Variants in TYW1B observed in about 807,000 individuals in gnomAD.
The protein encoded by TYW1B is tRNA-yW synthesizing protein 1 homolog B, also known as S-adenosyl-L-methionine-dependent tRNA 4-demethylwyosine synthase TYW1B.
A neutral mutation model predicts 86.9 loss-of-function variants in TYW1B; 73 were observed. The ratio of observed to expected loss-of-function variants is 0.84; its 90% CI spans 0.70 to 1.02. TYW1B has a LOEUF of 1.02. Ranked by LOEUF, TYW1B falls within the 50% of genes least tolerant of loss-of-function variation. TYW1B has a pLI of 0.00. For missense variants in TYW1B, 637 were observed against 827.4 expected, an observed-to-expected ratio of 0.77 and a Z score of 2.82; for synonymous variants, 248 against 292.8, an observed-to-expected ratio of 0.85 and a Z score of 1.56.
intron 9 of TYW1B, among the ~76,000 whole-genome samples, chr7:72,727,607 A>C (rs1361730084): frequency 1.3e-5 from 2 of 152,094 alleles, no homozygotes; most frequent in Admixed American, 1.3e-4. Flanking sequence ...GCTTGAGTCT[A>C]AGAGTTTGAG....
intron 12 of TYW1B, among the ~76,000 whole-genome samples, chr7:72,623,539 A>G (rs1311544054): frequency 1.3e-5 from 2 of 152,128 alleles, no homozygotes; most frequent in Non-Finnish European, 2.9e-5. Flanking sequence ...TTGAAGGTGA[A>G]AGGGCCTAGT....
chr7:72,819,112 A>G (rs551006918), intron 2 of TYW1B, among the ~76,000 whole-genome samples: 76 of 152,246 alleles, frequency 5.0e-4, no homozygotes, highest in Non-Finnish European at 9.6e-4. Context: ...AGGCGGCAGG[A>G]ACAGTGAACT....
At chr7:72,669,931 CAAAATAAA>C (rs1813554799) in intron 11 of TYW1B, among the ~76,000 whole-genome samples, 1 of 136,294 alleles carries the variant, frequency 7.3e-6, no homozygotes, top group Non-Finnish European at 1.6e-5. Flanking sequence ...CCCATTTCTA[CAAAATAAA>C]TAAATAAATA....
intron 9 of TYW1B, among the ~76,000 whole-genome samples, chr7:72,725,061 C>A (rs1388443881): frequency 6.6e-6 from 1 of 152,176 alleles, no homozygotes; most frequent in Non-Finnish European, 1.5e-5. Context: ...CTACTGGACA[C>A]CCCTTTCTGC....
chr7:72,753,502 A>G (rs1339574655), intron 7 of TYW1B, among the ~76,000 whole-genome samples: 2 of 124,302 alleles, frequency 1.6e-5, no homozygotes, highest in East Asian at 2.0e-4. Context: ...TTTTTTTGAG[A>G]CAGAATCTTG....
chr7:72,707,161 C>T (rs1237708416), intron 10 of TYW1B, among the ~76,000 whole-genome samples: 4 of 152,230 alleles, frequency 2.6e-5, no homozygotes, highest in Admixed American at 2.0e-4. Context: ...CTTGAAGCTC[C>T]GCTGTGTGAC....
At chr7:72,802,869 C>T (rs1788427669) in intron 5 of TYW1B, among the ~76,000 whole-genome samples, 2 of 152,246 alleles carry the variant, frequency 1.3e-5, no homozygotes, top group East Asian at 1.9e-4. Context: ...AATCCACCCA[C>T]CTCAGCCTCC....
At chr7:72,675,492 A>G (rs1345215865) in intron 11 of TYW1B, among the ~76,000 whole-genome samples, 1 of 151,430 alleles carries the variant, frequency 6.6e-6, no homozygotes, top group Non-Finnish European at 1.5e-5. Flanking sequence ...TAGTTTTGAC[A>G]GTCAATAGTT....
At position 72,721,637 on chromosome 7, in the gene TYW1B, C is replaced by G. The variant is rs531145920; in HGVS notation, c.1192+7185G>C. Among the ~76,000 whole-genome samples, 8 of 152,094 alleles carry G rather than the reference C, an allele frequency of 5.3e-5. No individual in the cohort carries two copies. In the East Asian group the frequency reaches 1.3e-3, roughly 26 times the overall value. ...ACACACACACATGCACACACACACACGCACACACACACAGGCACACATACA... is the reference window on the plus strand; with the variant it reads ...ACACACACACATGCACACACACACAGGCACACACACACAGGCACACATACA... On this transcript the variant is annotated intron_variant, in intron 9 of 13. Coordinates refer to ENST00000620995, the MANE Select transcript of TYW1B (RefSeq NM_001145440.3).
chr7:72,698,224 T>C (rs1814370992), intron 10 of TYW1B, among the ~76,000 whole-genome samples: 1 of 152,184 alleles, frequency 6.6e-6, no homozygotes, highest in Non-Finnish European at 1.5e-5. Context: ...GCCGTGTGCT[T>C]TACCCTTCTT....
chr7:72,663,757 A>G (rs1554444816), intron 11 of TYW1B, among the ~76,000 whole-genome samples: 2 of 69,636 alleles, frequency 2.9e-5, no homozygotes, highest in African/African-American at 1.1e-4. Context: ...GCAAGACTCC[A>G]TCTCAAAAAA....
intron 4 of TYW1B, 55 bp downstream of exon 4, chr7:72,810,416 G>A (rs1362583850): frequency 1.1e-4 from 152 of 1,446,900 alleles, no homozygotes; most frequent in Middle Eastern, 1.8e-4. Context: ...GTGTGTGTGC[G>A]TGTGTGTGTG....
At chr7:72,720,973 C>T (rs1554457350) in intron 9 of TYW1B, among the ~76,000 whole-genome samples, 1 of 147,206 alleles carries the variant, frequency 6.8e-6, no homozygotes, top group African/African-American at 2.5e-5. Flanking sequence ...TGTTCAATTC[C>T]CACCTATGAG....
chr7:72,744,609 A>T lies in TYW1B; in HGVS notation c.965-8T>A. ...TCTCCCTCGGAGCATCGACTATGAC[A>T]AGTAAACAAATCACAATTTGAATAA... On this transcript the variant is annotated splice_polypyrimidine_tract_variant and splice_region_variant and intron_variant, in intron 7 of 13. Coordinates refer to ENST00000620995, the MANE Select transcript of TYW1B (RefSeq NM_001145440.3). 1 of 1,613,546 alleles carries T rather than the reference A, an allele frequency of 6.2e-7. No individual in the cohort carries two copies. The highest frequency in any genetic ancestry group is 8.5e-7 in the Non-Finnish European group (1 of 1,179,466).
At chr7:72,806,909 T>A (rs1489839038) in intron 5 of TYW1B, among the ~76,000 whole-genome samples, 157 bp downstream of exon 5, 2 of 152,108 alleles carry the variant, frequency 1.3e-5, no homozygotes, top group African/African-American at 4.8e-5. Flanking sequence ...CACCTTGGCC[T>A]CCCAAAGTGT....
intron 12 of TYW1B, among the ~76,000 whole-genome samples, chr7:72,618,226 A>AAT (rs1554437273): frequency 8.2e-6 from 1 of 121,706 alleles, no homozygotes; most frequent in Non-Finnish European, 1.7e-5. Flanking sequence ...AATGACACTG[A>AAT]ATTTTTTTTT....
chr7:72,660,954 T>C (rs1813313761), intron 11 of TYW1B, among the ~76,000 whole-genome samples: 1 of 150,778 alleles, frequency 6.6e-6, no homozygotes, highest in African/African-American at 2.4e-5. Context: ...CTGGCCAACA[T>C]GAAACCTCAT....
chr7:72,794,894 C>T (rs1554474237), intron 6 of TYW1B, among the ~76,000 whole-genome samples: 1 of 151,788 alleles, frequency 6.6e-6, no homozygotes. Flanking sequence ...TCTCGGCTCA[C>T]TGCAACCTCT....
At chr7:72,761,109 T>G (rs1433613752) in intron 7 of TYW1B, among the ~76,000 whole-genome samples, 2 of 152,188 alleles carry the variant, frequency 1.3e-5, no homozygotes, top group Non-Finnish European at 2.9e-5. Flanking sequence ...TATAAATGAA[T>G]TTTTCAAGTA....
Sources: gnomAD v4.1 joint callset for allele counts (sites outside exome capture counted in the v4.1 genomes callset) on GRCh38, gnomAD v4.1.1 for gene constraint, MANE v1.5 for transcripts, NCBI Gene and HGNC (gene_info 2026-07-23, HGNC 2026-07-21) for gene names.